Variants in SNX25 observed in about 807,000 individuals in gnomAD.
SNX25 encodes sorting nexin 25.
Under a neutral mutation model 113.7 loss-of-function variants are expected in SNX25, and 62 were observed. The ratio of observed to expected loss-of-function variants is 0.55; its 90% confidence interval spans 0.44 to 0.67. The LOEUF (loss-of-function observed/expected upper bound fraction) is 0.67. SNX25 is among the 30% of genes least tolerant of loss of function. The probability of loss-of-function intolerance (pLI) is 0.00; values close to 1 mark genes in which losing one functional copy is unlikely to be tolerated. For missense variants in SNX25, 1,014 were observed against 1,161.0 expected, an observed-to-expected ratio of 0.87 and a Z score of 1.84; for synonymous variants, 421 against 436.2, an observed-to-expected ratio of 0.97 and a Z score of 0.43.
chr4:185,362,065 A>G lies in SNX25; in HGVS notation c.2793A>G (p.Thr931=), dbSNP rs1278135086. ...TIRSKEQSQE[T]KQRAQQKLLE... is the part of the protein sequence containing the mutation. ...GAAGCAAAGAGCAAAGTCAGGAAAC[A>G]AAACAGAGAGCACAGCAAAAGCTGC... The change falls in exon 17 of 19, where the codon ACA becomes ACG. Residue 931 remains threonine (T), a synonymous_variant. Coordinates refer to ENST00000652585, the MANE Select transcript of SNX25 (RefSeq NM_001378034.2). The G allele has an allele frequency of 6.2e-7, 1 of 1,614,084 alleles. No individual in the cohort carries two copies. The highest frequency in any genetic ancestry group is 2.2e-5 in the East Asian group (1 of 44,884).
At chr4:185,299,403 T>A (rs1467503072) in intron 6 of SNX25, among the ~76,000 whole-genome samples, 2 of 152,186 alleles carry the variant, frequency 1.3e-5, no homozygotes, top group Non-Finnish European at 2.9e-5. Context: ...CAAGCTATGG[T>A]GCACGTCAGC....
intron 16 of SNX25, 122 bp downstream of exon 16, chr4:185,357,859 G>A (rs929651202): frequency 2.1e-5 from 17 of 818,024 alleles, no homozygotes; most frequent in Admixed American, 6.5e-5. Context: ...CTCACTTTTC[G>A]TTTCTGATAT....
chr4:185,319,237 G>T (rs1579770815), intron 7 of SNX25, among the ~76,000 whole-genome samples: 2 of 117,186 alleles, frequency 1.7e-5, no homozygotes. Flanking sequence ...CCCTCTTGTT[G>T]CCCAGGCTGG....
At chr4:185,259,355 A>C (rs971402173) in intron 3 of SNX25, among the ~76,000 whole-genome samples, 1 of 152,192 alleles carries the variant, frequency 6.6e-6, no homozygotes, top group Non-Finnish European at 1.5e-5. Flanking sequence ...AGAAATAAAA[A>C]ATTTAAATGT....
intron 2 of SNX25, among the ~76,000 whole-genome samples, chr4:185,258,090 A>C (rs1746715702): frequency 6.6e-6 from 1 of 152,238 alleles, no homozygotes; most frequent in Non-Finnish European, 1.5e-5. Flanking sequence ...GGACCTTAGG[A>C]CAGAAAAAAT....
downstream of SNX25, chr4:185,372,802 T>C: frequency 5.7e-6 from 8 of 1,411,478 alleles, no homozygotes; most frequent in African/African-American, 1.4e-5. Context: ...TCTCATAAAT[T>C]ACCTAGTGTG....
chr4:185,294,062 C>T (rs968863031), intron 6 of SNX25, among the ~76,000 whole-genome samples: 3 of 152,102 alleles, frequency 2.0e-5, no homozygotes, highest in South Asian at 2.1e-4. Context: ...TAGCGACTCG[C>T]GGAAGATGGG....
chr4:185,322,025 T>C (rs914813173), intron 8 of SNX25, among the ~76,000 whole-genome samples: 1 of 152,204 alleles, frequency 6.6e-6, no homozygotes, highest in Non-Finnish European at 1.5e-5. Context: ...CAATCTTCCA[T>C]AGATCCCGAG....
chr4:185,316,664 A>G (rs1011245511), intron 7 of SNX25, among the ~76,000 whole-genome samples: 7 of 152,234 alleles, frequency 4.6e-5, no homozygotes, highest in Admixed American at 2.6e-4. Context: ...GCCAATTTAC[A>G]TATCAGTTTA....
intron 6 of SNX25, among the ~76,000 whole-genome samples, chr4:185,297,965 C>T (rs1194969064): frequency 1.3e-5 from 2 of 152,152 alleles, no homozygotes; most frequent in Non-Finnish European, 2.9e-5. Flanking sequence ...TTGATTCCTT[C>T]TCCCTTGTAT....
At chr4:185,279,597 C>T (rs1750268616) in intron 5 of SNX25, among the ~76,000 whole-genome samples, 1 of 152,188 alleles carries the variant, frequency 6.6e-6, no homozygotes, top group Admixed American at 6.5e-5. Flanking sequence ...TTGTACTTAT[C>T]CTCAGTAGTA....
At position 185,325,211 on chromosome 4, in the gene SNX25, A is replaced by G. The variant is rs114436241; in HGVS notation, c.1749+1411A>G. Among the ~76,000 whole-genome samples, 510 of 152,278 alleles carry G rather than the reference A, an allele frequency of 3.3e-3. 2 individuals carry two copies. The highest frequency in any genetic ancestry group is 8.2e-3 in the African/African-American group (341 of 41,562). ...CAGAGGCACATGTTTGGAAAGGTCC[A>G]TGTGTAATTTTCTGTTAGTAACCAT... On this transcript the variant is annotated intron_variant, in intron 9 of 18. Coordinates refer to ENST00000652585, the MANE Select transcript of SNX25 (RefSeq NM_001378034.2).
At chr4:185,265,099 TGA>T (rs532463149) in intron 4 of SNX25, among the ~76,000 whole-genome samples, 249 of 152,272 alleles carry the variant, frequency 1.6e-3, no homozygotes, top group Non-Finnish European at 2.7e-3. Context: ...CCCAAAGTGC[TGA>T]GATTACAGGT....
chr4:185,240,224 C>CT (rs1180496307), intron 1 of SNX25, among the ~76,000 whole-genome samples: 3 of 152,126 alleles, frequency 2.0e-5, no homozygotes, highest in Non-Finnish European at 4.4e-5. Flanking sequence ...CCTTTCCCCC[C>CT]TTTCTATTCC....
At chr4:185,351,383 G>T in intron 13 of SNX25, 62 bp from the exon 14 acceptor site, 1 of 1,554,490 alleles carries the variant, frequency 6.4e-7, no homozygotes, top group Non-Finnish European at 8.7e-7. Flanking sequence ...ACCTTTACTT[G>T]TAGCTCCCAG....
intron 5 of SNX25, among the ~76,000 whole-genome samples, chr4:185,269,251 A>G (rs1292425395): frequency 1.3e-5 from 2 of 152,084 alleles, no homozygotes; most frequent in African/African-American, 2.4e-5. Context: ...TCCTCTCCCT[A>G]AAACTGTACG....
Position 185,210,066 on chromosome 4 carries a change from G to A in SNX25, c.240G>A (p.Glu80=), listed in dbSNP as rs1044878761. The change falls in exon 1 of 19, where the codon GAG becomes GAA. Residue 80 remains glutamate (E), a synonymous_variant. Coordinates refer to ENST00000652585, the MANE Select transcript of SNX25 (RefSeq NM_001378034.2). This position sits in a 1 kb window ranked among gnomAD's most constrained non-coding sequence, Gnocchi z 4.4. ...ALSFLGPGSG[E]AAGAAGLSSV... is the part of the protein sequence containing the mutation. The stretch of plus-strand genomic sequence containing the variant: ...CCTTCCTGGGGCCCGGCAGCGGGGA[G>A]GCGGCGGGGGCCGCGGGGCTGAGCT... 9.2e-6 allele frequency: 9 copies of A among 982,560 alleles called. No individual in the cohort carries two copies. The African/African-American group carries it at 1.6e-4, about 17-fold the overall frequency. The allele number at this position is 982,560 out of a possible 1,614,324, so 60.9% of individuals were successfully genotyped here. A position where few individuals can be genotyped will look rare whatever the true frequency, so the allele number is the denominator to read the frequency against.
At chr4:185,339,721 T>G (rs185383805) in intron 11 of SNX25, among the ~76,000 whole-genome samples, 84 of 152,316 alleles carry the variant, frequency 5.5e-4, no homozygotes, top group African/African-American at 1.6e-3. Context: ...CTGATCTCAC[T>G]CCACTTCAAA....
chr4:185,229,409 G>A (rs1231232142), intron 1 of SNX25, among the ~76,000 whole-genome samples: 1 of 152,224 alleles, frequency 6.6e-6, no homozygotes, highest in Non-Finnish European at 1.5e-5. Context: ...AGGAGGTCCA[G>A]TTGCGGTGTG....
Sources: gnomAD v4.1 joint callset for allele counts (sites outside exome capture counted in the v4.1 genomes callset) on GRCh38, gnomAD v4.1.1 for gene constraint, Gnocchi (gnomAD v3.1) non-coding constraint, MANE v1.5 for transcripts, NCBI Gene and HGNC (gene_info 2026-07-23, HGNC 2026-07-21) for gene names.